CLASP1: variants seen among roughly 807,000 people sequenced by gnomAD.
CLASP1 encodes CLIP-associating protein 1.
CLASP1 carries 38 observed loss-of-function variants against 192.3 expected under a neutral mutation model. That is an observed-to-expected ratio of 0.20 (90% confidence interval 0.15 to 0.26). CLASP1 has a LOEUF of 0.26. Ranked by LOEUF, CLASP1 falls within the 10% of genes least tolerant of loss-of-function variation. The probability of loss-of-function intolerance (pLI) is 1.00; values close to 1 mark genes in which losing one functional copy is unlikely to be tolerated. For synonymous variants in CLASP1, 691 were observed against 712.8 expected (o/e 0.97, Z 0.49); for missense variants, 1,433 against 1,932.5 (o/e 0.74, Z 4.85).
In CLASP1 at chr2:121,457,864, A is replaced by C. The variant is rs1317682550; in HGVS notation, c.1315-107T>G. ...ACCTACTTATAGCACATATATATTC[A>C]GATTAGAATGTCAGTGAGTTTTAAA... On this transcript the variant is annotated intron_variant, in intron 13 of 39. Transcript: ENST00000263710. 6 of 695,732 alleles carry C rather than the reference A, an allele frequency of 8.6e-6. No individual in the cohort carries two copies. In the East Asian group the frequency reaches 1.3e-4, roughly 15 times the overall value. The allele number at this position is 695,732 out of a possible 1,614,324, so 43.1% of individuals were successfully genotyped here.
At chr2:121,451,583 T>C (rs1020558700) in intron 15 of CLASP1, among the ~76,000 whole-genome samples, 3 of 152,234 alleles carry the variant, frequency 2.0e-5, no homozygotes, top group African/African-American at 7.2e-5. Flanking sequence ...AGAATGCACA[T>C]GGACATAGTA....
rs573315750 is a variant in CLASP1, at chr2:121,549,821, T to C, written c.196-19496A>G. Among the ~76,000 whole-genome samples, 19 of 149,554 alleles carry C rather than the reference T, an allele frequency of 1.3e-4. 1 individual carries two copies. The highest frequency in any genetic ancestry group is 4.2e-4 in the African/African-American group (17 of 40,370). On this transcript the variant is annotated intron_variant, in intron 2 of 39. Coordinates refer to ENST00000263710, the Ensembl canonical transcript of CLASP1. ...GAGATCGAGACCATCCTGGCTAACA[T>C]GGTGAAACCCCGTCTCTATTAAAAA...
At chr2:121,492,408 A>AAAT in intron 8 of CLASP1, among the ~76,000 whole-genome samples, 1 of 149,494 alleles carries the variant, frequency 6.7e-6, no homozygotes, top group South Asian at 2.1e-4. Context: ...AAAAAAAAAA[A>AAAT]AAAAAAGTGA....
At chr2:121,478,720 ACACACACACCACACACACACCC>A (rs2092040803) in intron 8 of CLASP1, among the ~76,000 whole-genome samples, 5 of 48,386 alleles carry the variant, frequency 1.0e-4, no homozygotes, top group Non-Finnish European at 2.1e-4. Context: ...ACACACAACC[ACACACACACCACACACACACCC>A]CACACACACC....
intron 2 of CLASP1, among the ~76,000 whole-genome samples, chr2:121,561,855 T>TTTCCTA (rs1357495342): frequency 6.6e-6 from 1 of 152,216 alleles, no homozygotes; most frequent in African/African-American, 2.4e-5. Context: ...AAATCATCAG[T>TTTCCTA]TTCCTACCTT....
intron 37 of CLASP1, among the ~76,000 whole-genome samples, chr2:121,355,381 G>A (rs62153628): frequency 0.037 from 5,556 of 152,154 alleles, 144 homozygotes; most frequent in Middle Eastern, 0.11. Context: ...TGCCCACCTC[G>A]GCCTCCCAAA....
intron 39 of CLASP1, among the ~76,000 whole-genome samples, 181 bp downstream of exon 40, chr2:121,346,857 C>A (rs1189404630): frequency 1.3e-5 from 2 of 152,188 alleles, no homozygotes; most frequent in Admixed American, 1.3e-4. Flanking sequence ...TCAGTCTTAC[C>A]TTAAACTGAT....
chr2:121,397,822 G>C, intron 29 of CLASP1, among the ~76,000 whole-genome samples: 1 of 152,162 alleles, frequency 6.6e-6, no homozygotes, highest in Non-Finnish European at 1.5e-5. Flanking sequence ...GATGATGAAC[G>C]TGACCTAATT....
At position 121,600,559 on chromosome 2, in the gene CLASP1, C is replaced by A. The variant is rs908066622; in HGVS notation, c.195+5142G>T. Among the ~76,000 whole-genome samples, 6 of 152,192 alleles carry A rather than the reference C, an allele frequency of 3.9e-5. No individual in the cohort carries two copies. In the South Asian group the frequency reaches 1.2e-3, roughly 32 times the overall value. The stretch of plus-strand genomic sequence containing the variant: ...TGTCATTCTGGAAAAACTAACCAAT[C>A]TTCAAAATTCTCAATTCCTTTAGGC... On this transcript the variant is annotated intron_variant, in intron 2 of 39. Transcript: ENST00000263710.
chr2:121,593,401 C>T (rs576044342), intron 2 of CLASP1, among the ~76,000 whole-genome samples: 27 of 152,140 alleles, frequency 1.8e-4, no homozygotes, highest in African/African-American at 6.5e-4. Flanking sequence ...GGGTGGATCA[C>T]CTGAGGTCAG....
chr2:121,398,741 T>G (rs115257242), intron 28 of CLASP1, among the ~76,000 whole-genome samples: 1 of 152,210 alleles, frequency 6.6e-6, no homozygotes, highest in Non-Finnish European at 1.5e-5. Flanking sequence ...TGCTTAAACA[T>G]AAAAATCACT....
intron 2 of CLASP1, among the ~76,000 whole-genome samples, chr2:121,542,735 G>A (rs1357920472): frequency 1.3e-5 from 2 of 152,066 alleles, no homozygotes; most frequent in Non-Finnish European, 2.9e-5. Context: ...AATTAATATT[G>A]GATTAATGGG....
chr2:121,639,757 G>A (rs541741501), intron 1 of CLASP1, among the ~76,000 whole-genome samples: 31 of 151,598 alleles, frequency 2.0e-4, no homozygotes, highest in Non-Finnish European at 3.5e-4. Context: ...CAGCTACTCC[G>A]GAGGCTGAGG....
rs549019165 is a variant in CLASP1 at position 121,342,499 on chromosome 2, A to T, written c.4531-1552T>A. ...AAAACAGTGCTGAAGAGGGAAATTTAGAGTTATAAATGCTTACATTAAAAA... is the reference window on the plus strand; with the variant it reads ...AAAACAGTGCTGAAGAGGGAAATTTTGAGTTATAAATGCTTACATTAAAAA... On this transcript the variant is annotated intron_variant, in intron 39 of 39. Coordinates refer to ENST00000263710, the Ensembl canonical transcript of CLASP1. Among the ~76,000 whole-genome samples the T allele has an allele frequency of 2.4e-4, 37 of 152,316 alleles. 1 individual carries two copies. The East Asian group carries it at 7.1e-3, about 29-fold the overall frequency.
rs60345742 is a variant in CLASP1 at position 121,581,260 on chromosome 2, C to CTT, written c.195+24439_195+24440dup. Among the ~76,000 whole-genome samples the CTT allele has an allele frequency of 7.9e-3, 458 of 57,650 alleles. 49 individuals carry two copies. Among genetic ancestry groups the CTT allele is most frequent in the African/African-American group, 0.03 (420 of 13,800 alleles). 37.8% of individuals were successfully genotyped at this position (57,650 alleles called of 152,430 possible). On this transcript the variant is annotated intron_variant, in intron 2 of 39. Coordinates refer to ENST00000263710, the Ensembl canonical transcript of CLASP1. The stretch of plus-strand genomic sequence containing the variant: ...TCTGCCTCCCAAAAGGCCTTTTGTT[C>CTT]TTTTTTTTTTTTTTTTTTTTTTTTT...
At chr2:121,576,285 A>G (rs1023022920) in intron 2 of CLASP1, among the ~76,000 whole-genome samples, 4 of 152,232 alleles carry the variant, frequency 2.6e-5, no homozygotes, top group Non-Finnish European at 4.4e-5. Flanking sequence ...AAATGTTACA[A>G]GGTAAAGCTT....
chr2:121,422,721 G>A (rs1027749109), intron 22 of CLASP1, among the ~76,000 whole-genome samples: 1 of 152,016 alleles, frequency 6.6e-6, no homozygotes, highest in Non-Finnish European at 1.5e-5. Flanking sequence ...GAAGAGCCTT[G>A]GCATCAGTTT....
chr2:121,454,159 C>A (rs74774677), intron 14 of CLASP1, among the ~76,000 whole-genome samples: 4 of 151,934 alleles, frequency 2.6e-5, no homozygotes, highest in South Asian at 2.1e-4. Flanking sequence ...CCCACCCCCC[C>A]CTCCAAAATT....
intron 7 of CLASP1, among the ~76,000 whole-genome samples, chr2:121,504,332 C>T (rs1023720441): frequency 6.6e-6 from 1 of 152,154 alleles, no homozygotes; most frequent in Non-Finnish European, 1.5e-5. Flanking sequence ...ATTTTAGGGA[C>T]ATTTTAAGTG....
Sources: gnomAD v4.1 joint callset for allele counts (sites outside exome capture counted in the v4.1 genomes callset) on GRCh38, gnomAD v4.1.1 for gene constraint, MANE v1.5 for transcripts, NCBI Gene and HGNC (gene_info 2026-07-23, HGNC 2026-07-21) for gene names.